FDCSP: variants seen among roughly 807,000 people sequenced by gnomAD.
FDCSP encodes the protein follicular dendritic cell secreted protein, also known as follicular dendritic cell secreted peptide.
FDCSP carries 8 observed loss-of-function variants against 8.9 expected under a neutral mutation model. The ratio of observed to expected loss-of-function variants is 0.90; its 90% CI spans 0.53 to 1.63. FDCSP has a LOEUF of 1.63. Ranked by LOEUF, FDCSP falls within the 40% of genes most tolerant of loss-of-function variation. FDCSP has a pLI of 0.00. For missense variants in FDCSP, 101 were observed against 103.6 expected (o/e 0.98, Z 0.11); for synonymous variants, 34 against 34.5 (o/e 0.98, Z 0.06).
At chr4:70,232,025 A>C (rs1257314781) in intron 2 of FDCSP, among the ~76,000 whole-genome samples, 3 of 151,830 alleles carry the variant, frequency 2.0e-5, no homozygotes, top group Non-Finnish European at 4.4e-5. Flanking sequence ...CAGCTGTAAA[A>C]TGTGTTTGTT....
At chr4:70,234,851 C>A (rs1368470286) in intron 4 of FDCSP, among the ~76,000 whole-genome samples, 1 of 150,448 alleles carries the variant, frequency 6.6e-6, no homozygotes, top group Non-Finnish European at 1.5e-5. Flanking sequence ...ATAATTTAAT[C>A]TTATCTAAGA....
intron 1 of FDCSP, 76 bp from the exon 2 acceptor site, chr4:70,231,119 G>A: frequency 1.7e-6 from 2 of 1,171,020 alleles, no homozygotes; most frequent in South Asian, 2.9e-5. Flanking sequence ...TAAATTCATG[G>A]TCTTTTAGCT....
intron 4 of FDCSP, 107 bp downstream of exon 4, chr4:70,234,322 G>C (rs1730138380): frequency 3.5e-6 from 3 of 860,304 alleles, no homozygotes; most frequent in Non-Finnish European, 5.2e-6. Context: ...GCCCCTTTCA[G>C]TTTCTGTTTG....
intron 1 of FDCSP, among the ~76,000 whole-genome samples, chr4:70,228,572 G>T (rs1730025783): frequency 6.6e-6 from 1 of 151,674 alleles, no homozygotes; most frequent in South Asian, 2.1e-4. Context: ...AATTTACTTT[G>T]CCCAGATCCA....
chr4:70,231,232 C>T lies in FDCSP; in HGVS notation c.38C>T (p.Ala13Val). 3 of 1,602,576 alleles carry T rather than the reference C, an allele frequency of 1.9e-6. No homozygotes were observed. The highest frequency in any genetic ancestry group is 3.3e-4 in the Middle Eastern group (2 of 6,020). The change falls in exon 2 of 5, where the codon GCA (alanine) becomes GTA (valine). Residue 13 changes from alanine (A) to valine (V), a missense_variant. Physicochemically the swap from Ala to Val is moderately conservative, Grantham distance 64. Coordinates refer to ENST00000317987, the MANE Select transcript of FDCSP (RefSeq NM_152997.4). ...CTCCTCCTGATCACAGCCATCTTGGCAGTGGCTGTTGGTTTCCCAGTAAGT... is the reference window on the plus strand; with the variant it reads ...CTCCTCCTGATCACAGCCATCTTGGTAGTGGCTGTTGGTTTCCCAGTAAGT... The part of the protein sequence containing the change: ...KVLLLITAIL[A>V]VAVGFPVSQD...
In FDCSP at chr4:70,234,150, A is replaced by C. The variant is rs1293008795; in HGVS notation, c.221A>C (p.Glu74Ala). 4 of 1,610,738 alleles carry C rather than the reference A, an allele frequency of 2.5e-6. No individual in the cohort carries two copies. The highest frequency in any genetic ancestry group is 3.4e-6 in the Non-Finnish European group (4 of 1,178,066). The part of the protein sequence containing the change: ...FRRNFPIPIP[E>A]SAPTTPLPSE... ...CGTAATTTTCCTATTCCAATACCTG[A>C]ATCTGCCCCTACAACTCCCCTTCCT... Residue 74 changes from glutamate (E) to alanine (A), a missense_variant, in exon 4 of 5, where the codon GAA (glutamate) becomes GCA (alanine). Coordinates refer to ENST00000317987, the MANE Select transcript of FDCSP (RefSeq NM_152997.4).
At chr4:70,228,789 GA>G (rs112023387) in intron 1 of FDCSP, among the ~76,000 whole-genome samples, 1 of 151,464 alleles carries the variant, frequency 6.6e-6, no homozygotes, top group Non-Finnish European at 1.5e-5. Context: ...GCAATATTTT[GA>G]AAAAAACATT....
At position 70,234,629 on chromosome 4, in the gene FDCSP, T is replaced by C. The variant is rs940225556; in HGVS notation, c.*28+414T>C. 4.6e-5 allele frequency among the ~76,000 whole-genome samples: 7 copies of C among 151,526 alleles called. No homozygotes were observed. The East Asian group carries it at 1.4e-3, about 30-fold the overall frequency. ...AGCCCTTAGAGAAACATGTAATTTT[T>C]CTAATACTAAAACTCCAAACCTAGC... On this transcript the variant is annotated intron_variant, in intron 4 of 4. Coordinates refer to ENST00000317987, the MANE Select transcript of FDCSP (RefSeq NM_152997.4).
chr4:70,227,546 AT>A (rs1362574064), intron 1 of FDCSP, among the ~76,000 whole-genome samples: 2 of 141,418 alleles, frequency 1.4e-5, no homozygotes, highest in East Asian at 2.3e-4. Flanking sequence ...AAAAATTGAC[AT>A]TTTCCCCAAT....
intron 1 of FDCSP, among the ~76,000 whole-genome samples, chr4:70,227,480 A>C (rs1730007112): frequency 6.6e-6 from 1 of 151,734 alleles, no homozygotes; most frequent in African/African-American, 2.4e-5. Flanking sequence ...AAAAGGTGAT[A>C]AAATTTCCCT....
chr4:70,231,931 GTCTCAGTTT>G (rs1730091374), intron 2 of FDCSP, among the ~76,000 whole-genome samples: 1 of 151,614 alleles, frequency 6.6e-6, no homozygotes, highest in Admixed American at 6.6e-5. Context: ...ATATGTTTAT[GTCTCAGTTT>G]TAAACAAAAT....
chr4:70,228,915 C>T (rs1204059019), intron 1 of FDCSP, among the ~76,000 whole-genome samples: 1 of 151,734 alleles, frequency 6.6e-6, no homozygotes, highest in Non-Finnish European at 1.5e-5. Context: ...TAGTATAATT[C>T]TTAAGGGCAC....
At chr4:70,228,380 C>T (rs1004221326) in intron 1 of FDCSP, among the ~76,000 whole-genome samples, 1 of 151,768 alleles carries the variant, frequency 6.6e-6, no homozygotes, top group Non-Finnish European at 1.5e-5. Context: ...AGTTCTCTTG[C>T]TATTTCCACC....
chr4:70,233,885 A>G lies in FDCSP; in HGVS notation c.91-135A>G, dbSNP rs149336011. 10 of 749,818 alleles carry G rather than the reference A, an allele frequency of 1.3e-5. No homozygotes were observed. The African/African-American group carries it at 1.8e-4, about 13-fold the overall frequency. 46.4% of individuals were successfully genotyped at this position (749,818 alleles called of 1,614,324 possible). A position where few individuals can be genotyped will look rare whatever the true frequency, so the allele number is the denominator to read the frequency against. ...TAAACTCCCTGTCCATAGTACACAC[A>G]GAAAGGATAAAGGATTTTAGAGCTT... On this transcript the variant is annotated intron_variant, in intron 3 of 4. Coordinates refer to ENST00000317987, the MANE Select transcript of FDCSP (RefSeq NM_152997.4).
chr4:70,232,850 C>G (rs1313974081), intron 2 of FDCSP, 144 bp from the exon 3 acceptor site: 1 of 734,450 alleles, frequency 1.4e-6, no homozygotes, highest in Non-Finnish European at 2.2e-6. Flanking sequence ...AAAATCATTT[C>G]TACATTTCTA....
Position 70,226,145 on chromosome 4 carries a change from AC to A in FDCSP, c.-37del, listed in dbSNP as rs1228097060. ...GGCCAGTCACTTGCCATTTCTCATA[AC>A]AGCGTCAGAGAGAAAGAACTGACTG... On this transcript the variant is annotated 5_prime_UTR_variant, in exon 1 of 5. Transcript: ENST00000317987. 6 of 151,928 alleles carry A rather than the reference AC, an allele frequency of 3.9e-5. No homozygotes were observed. Among genetic ancestry groups the A allele is most frequent in the African/African-American group, 1.4e-4 (6 of 41,424 alleles). 9.4% of individuals were successfully genotyped at this position (151,928 alleles called of 1,614,324 possible).
chr4:70,233,059 T>C (rs755438134), intron 3 of FDCSP, 33 bp downstream of exon 3: 40 of 1,545,496 alleles, frequency 2.6e-5, no homozygotes, highest in Non-Finnish European at 3.5e-5. Context: ...TACATGTAAG[T>C]TTTACACGTG....
intron 1 of FDCSP, among the ~76,000 whole-genome samples, chr4:70,230,321 T>C (rs1730058345): frequency 6.6e-6 from 1 of 151,828 alleles, no homozygotes; most frequent in South Asian, 2.1e-4. Flanking sequence ...TGAAATCAAG[T>C]AATATGCACA....
intron 1 of FDCSP, among the ~76,000 whole-genome samples, chr4:70,230,671 T>C (rs1429255056): frequency 6.6e-6 from 1 of 151,694 alleles, no homozygotes; most frequent in Non-Finnish European, 1.5e-5. Flanking sequence ...TTTTGGGGGT[T>C]GCCTGGAACC....
Sources: gnomAD v4.1 joint callset for allele counts (sites outside exome capture counted in the v4.1 genomes callset) on GRCh38, gnomAD v4.1.1 for gene constraint, MANE v1.5 for transcripts, NCBI Gene and HGNC (gene_info 2026-07-23, HGNC 2026-07-21) for gene names.